SLC75A1: variants seen among roughly 807,000 people sequenced by gnomAD.
The protein encoded by SLC75A1 is major facilitator superfamily domain containing 10.
chr4:2,933,601 T>C, the SLC75A1 span: 3 of 1,613,594 alleles, frequency 1.9e-6, no homozygotes, highest in Non-Finnish European at 2.5e-6. Flanking sequence ...TCTTCTCCAC[T>C]GGCATCCCGA....
chr4:2,932,678 G>T, the SLC75A1 span: 1 of 1,610,664 alleles, frequency 6.2e-7, no homozygotes. Flanking sequence ...CTTTGCTGAT[G>T]CCCCCAATCA....
the SLC75A1 span, chr4:2,931,112 G>A: frequency 2.0e-5 from 31 of 1,587,712 alleles, no homozygotes; most frequent in African/African-American, 2.7e-5. Flanking sequence ...CCTAGGCTGC[G>A]CAGTGTACCC....
chr4:2,932,141 C>T, the SLC75A1 span: 67 of 1,606,518 alleles, frequency 4.2e-5, no homozygotes, highest in East Asian at 1.3e-3. Context: ...AACCCCAGGG[C>T]GATAGAGGGC....
At chr4:2,931,331 C>T in the SLC75A1 span, 3 of 1,543,472 alleles carry the variant, frequency 1.9e-6, no homozygotes, top group South Asian at 1.2e-5. Flanking sequence ...CATCACCCAG[C>T]CCCTGCTGCC....
chr4:2,933,670 G>T, the SLC75A1 span: 41 of 1,613,588 alleles, frequency 2.5e-5, no homozygotes, highest in Non-Finnish European at 3.1e-5. Flanking sequence ...GGTCCTAGGG[G>T]ATGAGGAATC....
At chr4:2,933,418 A>G in the SLC75A1 span, 47 of 958,118 alleles carry the variant, frequency 4.9e-5, no homozygotes, top group Non-Finnish European at 7.6e-5. Context: ...TCATGCCCAG[A>G]AGCCAGGACA....
the SLC75A1 span, chr4:2,931,705 CACCCAGGGCAG>C: frequency 2.9e-5 from 46 of 1,584,188 alleles, no homozygotes; most frequent in Non-Finnish European, 3.8e-5. Flanking sequence ...GGGGCAGGGC[CACCCAGGGCAG>C]GGCCAGGGCG....
At chr4:2,932,644 T>G in the SLC75A1 span, 1 of 1,613,008 alleles carries the variant, frequency 6.2e-7, no homozygotes, top group Non-Finnish European at 8.5e-7. Flanking sequence ...TCAGCAACGA[T>G]GGCCGTGGAG....
chr4:2,932,236 C>T, the SLC75A1 span: 1 of 1,548,200 alleles, frequency 6.5e-7, no homozygotes, highest in Non-Finnish European at 8.7e-7. Flanking sequence ...GTCCCAACAC[C>T]AAGAGAGCGG....
chr4:2,933,210 C>G, the SLC75A1 span: 6 of 1,613,468 alleles, frequency 3.7e-6, no homozygotes, highest in Non-Finnish European at 5.1e-6. Context: ...CCAATGAGAC[C>G]TGAGAGACAG....
At chr4:2,933,574 C>A in the SLC75A1 span, 7 of 1,613,854 alleles carry the variant, frequency 4.3e-6, no homozygotes, top group Non-Finnish European at 5.9e-6. Context: ...TACCTCCGAA[C>A]AGGACACTGT....
At chr4:2,934,237 C>A in the SLC75A1 span, 24 of 365,744 alleles carry the variant, frequency 6.6e-5, no homozygotes, top group South Asian at 1.1e-3. Flanking sequence ...GCGCCTCCCA[C>A]GCCCTCGTAA....
the SLC75A1 span, chr4:2,933,827 G>C: frequency 1.3e-6 from 2 of 1,590,770 alleles, no homozygotes; most frequent in Non-Finnish European, 8.6e-7. Context: ...AGGTCCAGCA[G>C]GAGGCCGAGA....
the SLC75A1 span, chr4:2,932,887 C>A: frequency 3.2e-6 from 4 of 1,246,030 alleles, no homozygotes; most frequent in African/African-American, 6.1e-5. Flanking sequence ...GGGCCACTTG[C>A]GTTCTCAGTG....
the SLC75A1 span, chr4:2,932,402 G>C: frequency 1.5e-5 from 24 of 1,613,634 alleles, no homozygotes; most frequent in South Asian, 2.4e-4. Flanking sequence ...TGAACAGCAG[G>C]TCGGAGGCTG....
chr4:2,931,421 TC>T, the SLC75A1 span: 1 of 1,553,268 alleles, frequency 6.4e-7, no homozygotes, highest in Admixed American at 2.0e-5. Flanking sequence ...GCAGAGAACG[TC>T]CCCAGCCGAT....
the SLC75A1 span, chr4:2,931,477 C>T: frequency 1.9e-6 from 3 of 1,579,246 alleles, no homozygotes; most frequent in South Asian, 1.1e-5. Context: ...TGCAGGTGGG[C>T]ACGGCAGCCT....
the SLC75A1 span, chr4:2,933,802 A>G: frequency 6.3e-7 from 1 of 1,592,296 alleles, no homozygotes; most frequent in Non-Finnish European, 8.5e-7. Context: ...GGGCAGCAGC[A>G]GCGTGAAGGC....
the SLC75A1 span, chr4:2,931,944 G>T: frequency 6.2e-7 from 1 of 1,605,110 alleles, no homozygotes; most frequent in Non-Finnish European, 8.5e-7. Context: ...GCCCTGGGGA[G>T]AGGTGGCGCG....
Sources: gnomAD v4.1 joint callset for allele counts on GRCh38, gnomAD v4.1.1 for gene constraint, MANE v1.5 for transcripts, NCBI Gene and HGNC (gene_info 2026-07-23, HGNC 2026-07-21) for gene names.